Variants in CNTN5 observed in about 807,000 individuals in gnomAD.
CNTN5 encodes the protein contactin-5.
In CNTN5, 77 loss-of-function variants were observed where a neutral mutation model predicts 129.1. The observed-to-expected ratio is 0.60, with a 90% CI of 0.50 to 0.72. The LOEUF (loss-of-function observed/expected upper bound fraction) is 0.72, where lower values mean the gene tolerates loss of function less well. Among genes scored for constraint, CNTN5 ranks in the 30% least tolerant of loss-of-function variants. The pLI is 0.00. For synonymous variants in CNTN5, 509 were observed against 465.6 expected (o/e 1.09, Z -1.20); for missense variants, 1,478 against 1,328.8 (o/e 1.11, Z -1.75).
At chr11:99,640,411 G>A (rs541810635) in intron 3 of CNTN5, among the ~76,000 whole-genome samples, 44 of 152,230 alleles carry the variant, frequency 2.9e-4, no homozygotes, top group Admixed American at 7.2e-4. Flanking sequence ...AAGCAAAAGC[G>A]GAAACCCCTG....
chr11:99,660,248 T>G (rs1952546499), intron 3 of CNTN5, among the ~76,000 whole-genome samples: 1 of 152,160 alleles, frequency 6.6e-6, no homozygotes, highest in Non-Finnish European at 1.5e-5. Flanking sequence ...TCATTCTGTT[T>G]GCTTATATGT....
chr11:99,576,254 G>A (rs1297968145), intron 3 of CNTN5, among the ~76,000 whole-genome samples: 1 of 152,124 alleles, frequency 6.6e-6, no homozygotes, highest in Non-Finnish European at 1.5e-5. Flanking sequence ...AGTCTTAATT[G>A]CCAAAACAAG....
At chr11:99,588,286 G>T (rs1185743736) in intron 3 of CNTN5, among the ~76,000 whole-genome samples, 1 of 146,662 alleles carries the variant, frequency 6.8e-6, no homozygotes, top group African/African-American at 2.5e-5. Flanking sequence ...AGAGCTTGCC[G>T]TGAGCCAAGA....
At chr11:99,428,998 G>A (rs1490579826) in intron 2 of CNTN5, among the ~76,000 whole-genome samples, 1 of 152,016 alleles carries the variant, frequency 6.6e-6, no homozygotes, top group Non-Finnish European at 1.5e-5. Flanking sequence ...TGCATTTATA[G>A]CATTAAAATC....
At chr11:100,296,849 G>A (rs559181560) in intron 18 of CNTN5, among the ~76,000 whole-genome samples, 83 of 151,514 alleles carry the variant, frequency 5.5e-4, no homozygotes, top group Non-Finnish European at 8.3e-4. Flanking sequence ...ATGATATGCC[G>A]GAATAGAAAG....
chr11:99,475,949 A>G (rs1945353963), intron 2 of CNTN5, among the ~76,000 whole-genome samples: 1 of 151,956 alleles, frequency 6.6e-6, no homozygotes, highest in Non-Finnish European at 1.5e-5. Flanking sequence ...GTGGAACTTT[A>G]TTCTGCCACC....
chr11:100,311,074 G>A (rs1369394505), intron 21 of CNTN5, among the ~76,000 whole-genome samples: 2 of 151,924 alleles, frequency 1.3e-5, no homozygotes, highest in South Asian at 2.1e-4. Flanking sequence ...CTGGAAGGTA[G>A]ATAATAGACC....
chr11:99,796,829 G>T (rs981289482), intron 3 of CNTN5, among the ~76,000 whole-genome samples: 22 of 152,054 alleles, frequency 1.4e-4, no homozygotes, highest in Admixed American at 6.6e-5. Flanking sequence ...ACACTGGCTG[G>T]GTTTTTTTCC....
chr11:99,790,349 T>G (rs2135431224), intron 3 of CNTN5, among the ~76,000 whole-genome samples: 1 of 152,048 alleles, frequency 6.6e-6, no homozygotes, highest in Middle Eastern at 3.4e-3. Context: ...CAAGTAGACC[T>G]TAGTGTCTTT....
chr11:99,886,999 C>G (rs1247183636), intron 6 of CNTN5, among the ~76,000 whole-genome samples: 1 of 152,066 alleles, frequency 6.6e-6, no homozygotes, highest in African/African-American at 2.4e-5. Flanking sequence ...ACCGATTATA[C>G]TAGTCAGGTT....
chr11:100,113,239 TTACTTTACATATAA>T (rs1945713154), intron 13 of CNTN5, among the ~76,000 whole-genome samples: 2 of 151,356 alleles, frequency 1.3e-5, no homozygotes, highest in South Asian at 4.2e-4. Flanking sequence ...TTTACTGAAA[TTACTTTACATATAA>T]ATGTAAAGTA....
intron 1 of CNTN5, among the ~76,000 whole-genome samples, chr11:99,138,379 A>C (rs2135454298): frequency 6.6e-6 from 1 of 152,302 alleles, no homozygotes; most frequent in South Asian, 2.1e-4. Context: ...TTTGATGTAC[A>C]AGCATTTGGC....
At chr11:99,734,055 C>T (rs754391599) in intron 3 of CNTN5, among the ~76,000 whole-genome samples, 16 of 152,060 alleles carry the variant, frequency 1.1e-4, no homozygotes, top group Non-Finnish European at 2.2e-4. Context: ...TGGAGTCTTC[C>T]AAAGAAGTAT....
chr11:99,432,459 T>C (rs867033190), intron 2 of CNTN5, among the ~76,000 whole-genome samples: 30 of 111,336 alleles, frequency 2.7e-4, no homozygotes, highest in Non-Finnish European at 3.6e-4. Context: ...TCTTTTCTTT[T>C]CTTTCCTTTT....
At chr11:100,140,100 G>A (rs1276395819) in intron 13 of CNTN5, among the ~76,000 whole-genome samples, 1 of 152,154 alleles carries the variant, frequency 6.6e-6, no homozygotes, top group East Asian at 1.9e-4. Context: ...GTGAAGAGGG[G>A]AAGAGATAGA....
intron 2 of CNTN5, among the ~76,000 whole-genome samples, chr11:99,448,576 C>A (rs1211247325): frequency 7.3e-5 from 11 of 151,574 alleles, no homozygotes; most frequent in Non-Finnish European, 1.5e-4. Context: ...TTGTGACTAT[C>A]AAGAGTAAAT....
At chr11:100,032,305 CTAT>C (rs1941754357) in intron 9 of CNTN5, among the ~76,000 whole-genome samples, 4 of 151,806 alleles carry the variant, frequency 2.6e-5, no homozygotes, top group Admixed American at 2.6e-4. Flanking sequence ...GGATTTTGTT[CTAT>C]TACATTAAAG....
intron 2 of CNTN5, among the ~76,000 whole-genome samples, chr11:99,485,478 T>G (rs1464177533): frequency 3.9e-5 from 6 of 152,136 alleles, no homozygotes; most frequent in Admixed American, 3.9e-4. Flanking sequence ...TTGTAACATA[T>G]GTACCATTGT....
chr11:99,747,457 A>AT (rs1331307871), intron 3 of CNTN5, among the ~76,000 whole-genome samples: 4 of 131,024 alleles, frequency 3.1e-5, no homozygotes, highest in African/African-American at 1.1e-4. Flanking sequence ...AGAAGTCAGC[A>AT]TCCTTTTTTT....
Sources: allele counts gnomAD v4.1 joint callset (sites outside exome capture counted in the v4.1 genomes callset), GRCh38; gene constraint gnomAD v4.1.1; transcripts MANE v1.5; gene names NCBI Gene and HGNC (gene_info 2026-07-23, HGNC 2026-07-21).